USP8: variants seen among roughly 807,000 people sequenced by gnomAD.
USP8 encodes ubiquitin carboxyl-terminal hydrolase 8.
A neutral mutation model predicts 130.0 loss-of-function variants in USP8; 27 were observed. That is an observed-to-expected ratio of 0.21 (90% CI 0.15 to 0.29). The LOEUF is 0.29. Ranked by LOEUF, USP8 falls within the 10% of genes least tolerant of loss-of-function variation. USP8 has a pLI of 1.00. For missense variants in USP8, 1,029 were observed against 1,312.2 expected (o/e 0.78, Z 3.33); for synonymous variants, 392 against 444.1 (o/e 0.88, Z 1.48).
intron 18 of USP8, 200 bp downstream of exon 18, chr15:50,497,431 A>C (rs906979624): frequency 2.2e-6 from 1 of 447,232 alleles, no homozygotes; most frequent in South Asian, 7.3e-5. Flanking sequence ...CAAAATGACA[A>C]TACCACTATT....
intron 3 of USP8, among the ~76,000 whole-genome samples, 158 bp downstream of exon 3, chr15:50,441,651 T>A (rs905493267): frequency 6.6e-6 from 1 of 152,230 alleles, no homozygotes; most frequent in Non-Finnish European, 1.5e-5. Context: ...TACAGTGTTA[T>A]TATTTACAAA....
At chr15:50,480,871 T>G (rs1166650347) in intron 10 of USP8, among the ~76,000 whole-genome samples, 1 of 152,098 alleles carries the variant, frequency 6.6e-6, no homozygotes, top group Non-Finnish European at 1.5e-5. Flanking sequence ...TATGCTGTAG[T>G]CCTGGTGAGA....
chr15:50,457,485 G>A (rs899055343), intron 4 of USP8, among the ~76,000 whole-genome samples: 6 of 151,316 alleles, frequency 4.0e-5, no homozygotes, highest in Non-Finnish European at 8.8e-5. Context: ...TTGAACCCAG[G>A]AGGCAGAGGT....
chr15:50,499,843 AT>A lies in USP8; in HGVS notation c.*759del, dbSNP rs1236228815. The A allele has an allele frequency of 1.3e-5, 2 of 152,276 alleles. No homozygotes were observed. The highest frequency in any genetic ancestry group is 2.9e-5 in the Non-Finnish European group (2 of 68,014). The allele number at this position is 152,276 out of a possible 1,614,324, so 9.4% of individuals were successfully genotyped here. ...CAAATATAGGACAGTAAAACCATAG[AT>A]TTTATATACACACGTGCTATATAAT... On this transcript the variant is annotated 3_prime_UTR_variant, in exon 20 of 20. Transcript: ENST00000307179.
intron 7 of USP8, among the ~76,000 whole-genome samples, chr15:50,466,354 T>C (rs897713465): frequency 1.3e-5 from 2 of 152,156 alleles, no homozygotes; most frequent in Non-Finnish European, 2.9e-5. Flanking sequence ...ATCCCAGCAC[T>C]TGGGGAAGCC....
Position 50,509,909 on chromosome 15 carries a change from T to A in USP8, c.*10821T>A, listed in dbSNP as rs146021651. ...GGGCCAGGAATAATCGAAATACTAC[T>A]GAAAAATAAGAATAAAGTTGTGATG... On this transcript the variant is annotated 3_prime_UTR_variant, in exon 20 of 20. Coordinates refer to ENST00000307179, the MANE Select transcript of USP8 (RefSeq NM_005154.5). 8.3e-4 allele frequency: 127 copies of A among 152,230 alleles called. 1 individual carries two copies. The highest frequency in any genetic ancestry group is 3.0e-3 in the African/African-American group (123 of 41,568). 9.4% of individuals were successfully genotyped at this position (152,230 alleles called of 1,614,324 possible).
At position 50,499,227 on chromosome 15, in the gene USP8, A is replaced by G. The variant is rs1464941572; in HGVS notation, c.*139A>G. On this transcript the variant is annotated 3_prime_UTR_variant, in exon 20 of 20. Coordinates refer to ENST00000307179, the MANE Select transcript of USP8 (RefSeq NM_005154.5). ...GTGGGAGCTGTGTTACTAGCACTATATAATTCCGGTCAGTGCTGACAAATA... is the reference window on the plus strand; with the variant it reads ...GTGGGAGCTGTGTTACTAGCACTATGTAATTCCGGTCAGTGCTGACAAATA... The G allele has an allele frequency of 4.1e-6, 3 of 726,264 alleles. No homozygotes were observed. In the East Asian group the frequency reaches 8.7e-5, roughly 21 times the overall value. The allele number at this position is 726,264 out of a possible 1,614,324, so 45.0% of individuals were successfully genotyped here.
chr15:50,480,934 T>C (rs1476839556), intron 10 of USP8, among the ~76,000 whole-genome samples: 4 of 151,946 alleles, frequency 2.6e-5, no homozygotes, highest in South Asian at 4.2e-4. Context: ...GGGACAGATA[T>C]AGGAGGAAAA....
intron 4 of USP8, among the ~76,000 whole-genome samples, chr15:50,450,857 T>C (rs796543792): frequency 6.6e-6 from 1 of 152,160 alleles, no homozygotes; most frequent in South Asian, 2.1e-4. Context: ...TTTCTGCCTG[T>C]ATCTGTAGCA....
chr15:50,441,284 T>C, intron 2 of USP8, 65 bp from the exon 3 acceptor site: 1 of 1,450,524 alleles, frequency 6.9e-7, no homozygotes, highest in Non-Finnish European at 9.2e-7. Flanking sequence ...GTGGACTTTG[T>C]ATATGACCTG....
intron 17 of USP8, 179 bp from the exon 18 acceptor site, chr15:50,496,910 G>A: frequency 1.4e-6 from 1 of 716,284 alleles, no homozygotes; most frequent in Non-Finnish European, 2.2e-6. Context: ...ACTCTGTGCT[G>A]TCATTGTTCA....
chr15:50,426,621 T>G (rs1226001409), intron 1 of USP8, among the ~76,000 whole-genome samples: 1 of 152,150 alleles, frequency 6.6e-6, no homozygotes, highest in African/African-American at 2.4e-5. Context: ...AAATGTCAAC[T>G]GGAATGCCCA....
rs1331449860 is a variant in USP8 at position 50,490,257 on chromosome 15, T to C, written c.1972-6T>C. On this transcript the variant is annotated splice_region_variant and splice_polypyrimidine_tract_variant and intron_variant, in intron 13 of 19. Coordinates refer to ENST00000307179, the MANE Select transcript of USP8 (RefSeq NM_005154.5). ...GACCTGTTTTTTTTTTTCTTTTCCA[T>C]CTAAGTTTCTTGACCCAATCACTGG... is the stretch of plus-strand genomic sequence containing the variant. 1 of 1,585,716 alleles carries C rather than the reference T, an allele frequency of 6.3e-7. No individual in the cohort carries two copies. Among genetic ancestry groups the C allele is most frequent in the Admixed American group, 1.9e-5 (1 of 52,908 alleles).
At position 50,477,296 on chromosome 15, in the gene USP8, T is replaced by C. The variant is rs1478880606; in HGVS notation, c.1015T>C (p.Leu339=). The C allele has an allele frequency of 6.8e-6, 11 of 1,612,606 alleles. No individual in the cohort carries two copies. Among genetic ancestry groups the C allele is most frequent in the Non-Finnish European group, 9.3e-6 (11 of 1,179,734 alleles). ...TTTAGTGGATTTTACTTATCCCTCATTGGAAGAATCAATTCCTTCTAAACC... is the reference window on the plus strand; with the variant it reads ...TTTAGTGGATTTTACTTATCCCTCACTGGAAGAATCAATTCCTTCTAAACC... ...SISLDFTYPS[L]EESIPSKPAA... is the part of the protein sequence containing the mutation. Residue 339 remains leucine (L), a synonymous_variant, in exon 10 of 20, where the codon TTG becomes CTG. Transcript: ENST00000307179.
At chr15:50,469,296 A>C (rs556770358) in intron 7 of USP8, among the ~76,000 whole-genome samples, 11 of 151,976 alleles carry the variant, frequency 7.2e-5, no homozygotes, top group Non-Finnish European at 1.3e-4. Context: ...TTTTTAATTA[A>C]ATTAATTAAA....
At chr15:50,428,438 G>A (rs1015594037) in intron 1 of USP8, among the ~76,000 whole-genome samples, 2 of 152,144 alleles carry the variant, frequency 1.3e-5, no homozygotes, top group African/African-American at 4.8e-5. Context: ...TTTTAATAAT[G>A]CAGCAGTCTT....
rs2052645934 is a variant in USP8 at position 50,505,461 on chromosome 15, A to G, written c.*6373A>G. ...ATGAAAGTGAATTAAAGACTTCTCAAAGACTGAGAGACTTCAGGATAACAG... is the reference window on the plus strand; with the variant it reads ...ATGAAAGTGAATTAAAGACTTCTCAGAGACTGAGAGACTTCAGGATAACAG... On this transcript the variant is annotated 3_prime_UTR_variant, in exon 20 of 20. Coordinates refer to ENST00000307179, the MANE Select transcript of USP8 (RefSeq NM_005154.5). 6.6e-6 allele frequency: 1 copy of G among 152,228 alleles called. No homozygotes were observed. Among genetic ancestry groups the G allele is most frequent in the Non-Finnish European group, 1.5e-5 (1 of 68,042 alleles). 9.4% of individuals were successfully genotyped at this position (152,228 alleles called of 1,614,324 possible).
chr15:50,494,629 T>C (rs2052303898), intron 16 of USP8, among the ~76,000 whole-genome samples: 3 of 152,280 alleles, frequency 2.0e-5, no homozygotes, highest in Admixed American at 6.5e-5. Flanking sequence ...ATATAATATG[T>C]ATATGTTATT....
intron 1 of USP8, among the ~76,000 whole-genome samples, chr15:50,429,242 A>G (rs965388341): frequency 7.2e-5 from 11 of 152,070 alleles, no homozygotes; most frequent in African/African-American, 2.7e-4. Flanking sequence ...GTAAAATGAA[A>G]TAATTACACA....
Sources: gnomAD v4.1 joint callset for allele counts (sites outside exome capture counted in the v4.1 genomes callset) on GRCh38, gnomAD v4.1.1 for gene constraint, MANE v1.5 for transcripts, NCBI Gene and HGNC (gene_info 2026-07-23, HGNC 2026-07-21) for gene names.